ANO3: variants seen among roughly 807,000 people sequenced by gnomAD.
ANO3 encodes the protein anoctamin-3.
A neutral mutation model predicts 144.8 loss-of-function variants in ANO3; 99 were observed. That is an observed-to-expected ratio of 0.68 (90% CI 0.58 to 0.81). The LOEUF (loss-of-function observed/expected upper bound fraction) is 0.81, where lower values mean the gene tolerates loss of function less well. ANO3 is among the 30% of genes least tolerant of loss of function. The pLI is 0.00. For synonymous variants in ANO3, 414 were observed against 392.6 expected, an observed-to-expected ratio of 1.05 and a Z score of -0.64; for missense variants, 905 against 1,202.2, an observed-to-expected ratio of 0.75 and a Z score of 3.66.
At chr11:26,414,957 C>T (rs923049589) in intron 1 of ANO3, among the ~76,000 whole-genome samples, 2 of 151,760 alleles carry the variant, frequency 1.3e-5, no homozygotes, top group African/African-American at 4.8e-5. Context: ...TCGTCCTGAG[C>T]CACTCACCTC....
At chr11:26,271,229 G>A (rs551179900) in intron 1 of ANO3, among the ~76,000 whole-genome samples, 15 of 152,334 alleles carry the variant, frequency 9.8e-5, no homozygotes, top group African/African-American at 3.4e-4. Context: ...AATGTGTTGC[G>A]TAAGTAGAAT....
chr11:26,449,928 G>A (rs1473303022), intron 3 of ANO3, among the ~76,000 whole-genome samples: 3 of 151,758 alleles, frequency 2.0e-5, no homozygotes, highest in Non-Finnish European at 4.4e-5. Context: ...CTAATTTTTG[G>A]TATTTTTAGT....
intron 1 of ANO3, among the ~76,000 whole-genome samples, chr11:26,300,554 C>A (rs1854202827): frequency 6.6e-6 from 1 of 152,154 alleles, no homozygotes; most frequent in Non-Finnish European, 1.5e-5. Flanking sequence ...CAGTTTCATT[C>A]TCCTCATTAT....
chr11:26,189,533 T>C (rs1356456164), intron 1 of ANO3, among the ~76,000 whole-genome samples: 7 of 152,204 alleles, frequency 4.6e-5, no homozygotes, highest in Non-Finnish European at 8.8e-5. Context: ...TTTTTGTGCA[T>C]AGAATTAAAT....
chr11:26,642,648 G>A (rs1853205335), intron 22 of ANO3, among the ~76,000 whole-genome samples: 1 of 152,012 alleles, frequency 6.6e-6, no homozygotes, highest in Admixed American at 6.6e-5. Flanking sequence ...ACCGCACCTG[G>A]CCAGCTGAAC....
At chr11:26,290,331 A>C (rs1366341473) in intron 1 of ANO3, among the ~76,000 whole-genome samples, 1 of 152,018 alleles carries the variant, frequency 6.6e-6, no homozygotes, top group African/African-American at 2.4e-5. Flanking sequence ...CTAGTGGTCT[A>C]TCAATTTTGT....
At chr11:26,556,052 A>C (rs1850073444) in intron 13 of ANO3, among the ~76,000 whole-genome samples, 4 of 152,204 alleles carry the variant, frequency 2.6e-5, no homozygotes, top group Non-Finnish European at 5.9e-5. Context: ...CATGGAAAAT[A>C]ACTGGTCCTA....
intron 1 of ANO3, among the ~76,000 whole-genome samples, chr11:26,433,064 T>C (rs1183486484): frequency 1.3e-5 from 2 of 152,162 alleles, no homozygotes; most frequent in Non-Finnish European, 2.9e-5. Context: ...GTTTGTATTG[T>C]CTCTGATTTT....
At chr11:26,585,031 A>T (rs564461378) in intron 14 of ANO3, among the ~76,000 whole-genome samples, 36 of 152,172 alleles carry the variant, frequency 2.4e-4, no homozygotes, top group Non-Finnish European at 3.7e-4. Context: ...TCCATGAGTC[A>T]TGTCAAACCT....
chr11:26,632,025 C>G (rs1422081325), intron 18 of ANO3, among the ~76,000 whole-genome samples: 2 of 151,714 alleles, frequency 1.3e-5, no homozygotes, highest in African/African-American at 4.8e-5. Context: ...ACTAAAAATA[C>G]CTCCCCACCA....
chr11:26,636,724 G>A (rs1397297882), intron 20 of ANO3, among the ~76,000 whole-genome samples: 4 of 152,212 alleles, frequency 2.6e-5, no homozygotes, highest in African/African-American at 9.6e-5. Flanking sequence ...GCCACGAGTA[G>A]GATGGCGTGT....
chr11:26,623,767 AATTTTTATTTATTTTT>A (rs1270895150), intron 17 of ANO3, among the ~76,000 whole-genome samples: 2 of 151,388 alleles, frequency 1.3e-5, no homozygotes, highest in Non-Finnish European at 2.9e-5. Flanking sequence ...TTTAATTTTT[AATTTTTATTTATTTTT>A]ATTTTTATTT....
At position 26,410,718 on chromosome 11, in the gene ANO3, G is replaced by C. The variant is rs1273779769; in HGVS notation, c.47-31200G>C. 2.0e-5 allele frequency among the ~76,000 whole-genome samples: 3 copies of C among 151,982 alleles called. No homozygotes were observed. In the East Asian group the frequency reaches 5.8e-4, roughly 30 times the overall value. Reference sequence around the variant, plus strand: ...CAAAGACTAGTGTGGGGAACCTTAAGAAGGCAGATTTCTGCTCTACGAAAA... The same window carrying C: ...CAAAGACTAGTGTGGGGAACCTTAACAAGGCAGATTTCTGCTCTACGAAAA... On this transcript the variant is annotated intron_variant, in intron 1 of 26. Transcript: ENST00000256737.
At chr11:26,658,559 G>C (rs954801348) in intron 26 of ANO3, among the ~76,000 whole-genome samples, 1 of 152,036 alleles carries the variant, frequency 6.6e-6, no homozygotes, top group Non-Finnish European at 1.5e-5. Context: ...GTGGTGAGCT[G>C]AGATCACACC....
At chr11:26,380,718 A>C (rs1244279349) in intron 1 of ANO3, among the ~76,000 whole-genome samples, 1 of 152,190 alleles carries the variant, frequency 6.6e-6, no homozygotes, top group Non-Finnish European at 1.5e-5. Flanking sequence ...AAGAAGTCTC[A>C]CGCCTGTAAT....
At chr11:26,591,929 A>G (rs1851464782) in intron 14 of ANO3, among the ~76,000 whole-genome samples, 1 of 152,132 alleles carries the variant, frequency 6.6e-6, no homozygotes, top group Admixed American at 6.5e-5. Flanking sequence ...GGTAGATAAA[A>G]TGACTGGGTA....
intron 1 of ANO3, among the ~76,000 whole-genome samples, chr11:26,276,912 G>A (rs1461699526): frequency 6.6e-6 from 1 of 152,080 alleles, no homozygotes; most frequent in Non-Finnish European, 1.5e-5. Flanking sequence ...TCCTTTTGCA[G>A]TAATGGGCTC....
chr11:26,417,469 T>A lies in ANO3; in HGVS notation c.47-24449T>A, dbSNP rs1020647040. ...TTGGGGCTTGGCCTGGGAGGATTCT[T>A]CGCTTTGCACAGGAAATAATTCAAG... On this transcript the variant is annotated intron_variant, in intron 1 of 26. Transcript: ENST00000256737. 2.0e-5 allele frequency among the ~76,000 whole-genome samples: 3 copies of A among 152,014 alleles called. No homozygotes were observed. The East Asian group carries it at 5.8e-4, about 29-fold the overall frequency.
Position 26,598,946 on chromosome 11 carries a change from C to T in ANO3, c.1619C>T (p.Ser540Phe). Reference protein sequence around the residue: ...ITGKPEPHQPSSDKVTRLLVS... With the variant: ...ITGKPEPHQPFSDKVTRLLVS... ...GGAAAACCTGAACCACATCAGCCTT[C>T]CTCAGACAAAGTCACTCGTCTTCTT... The change falls in exon 16 of 27, where the codon TCC (serine) becomes TTC (phenylalanine). Residue 540 changes from serine to phenylalanine, a missense_variant. Ser to Phe is a radical substitution (Grantham distance 155). Coordinates refer to ENST00000256737, the MANE Select transcript of ANO3 (RefSeq NM_031418.4). The T allele has an allele frequency of 1.9e-6, 3 of 1,614,004 alleles. No homozygotes were observed. The East Asian group carries it at 6.7e-5, about 36-fold the overall frequency.
Sources: allele counts gnomAD v4.1 joint callset (sites outside exome capture counted in the v4.1 genomes callset), GRCh38; gene constraint gnomAD v4.1.1; transcripts MANE v1.5; gene names NCBI Gene and HGNC (gene_info 2026-07-23, HGNC 2026-07-21).